The following TMEM117 variants were observed in gnomAD, a reference collection of about 807,000 sequenced individuals.
TMEM117 encodes transmembrane protein 117.
Under a neutral mutation model 52.4 loss-of-function variants are expected in TMEM117, and 27 were observed. The ratio of observed to expected loss-of-function variants is 0.51; its 90% confidence interval spans 0.38 to 0.71. TMEM117 has a LOEUF of 0.71. TMEM117 is among the 30% of genes least tolerant of loss of function. The pLI is 0.00. For synonymous variants in TMEM117, 215 were observed against 206.3 expected, an observed-to-expected ratio of 1.04 and a Z score of -0.36; for missense variants, 556 against 630.5, an observed-to-expected ratio of 0.88 and a Z score of 1.26.
At chr12:44,036,755 A>G (rs980261150) in intron 3 of TMEM117, among the ~76,000 whole-genome samples, 4 of 152,194 alleles carry the variant, frequency 2.6e-5, no homozygotes, top group Non-Finnish European at 4.4e-5. Context: ...TTCTAAGGTT[A>G]TATGTTATGT....
the TMEM117 span, among the ~76,000 whole-genome samples, chr12:43,814,044 C>T: frequency 2.6e-5 from 4 of 152,076 alleles, no homozygotes; most frequent in East Asian, 3.8e-4. Context: ...GATGGACTAA[C>T]GTGTTGAAAA....
intron 2 of TMEM117, among the ~76,000 whole-genome samples, chr12:43,900,193 A>G (rs960226885): frequency 2.3e-4 from 35 of 152,084 alleles, no homozygotes; most frequent in African/African-American, 8.0e-4. Context: ...GTCCTTGCAT[A>G]TAGGGTTTTT....
intron 6 of TMEM117, among the ~76,000 whole-genome samples, chr12:44,361,764 A>C (rs1400748744): frequency 6.6e-6 from 1 of 152,132 alleles, no homozygotes; most frequent in East Asian, 1.9e-4. Flanking sequence ...GGTACTAGGA[A>C]AATAGTCAAG....
rs980171153 is a variant in TMEM117, at chr12:44,024,240, A to G, written c.410+79898A>G. On this transcript the variant is annotated intron_variant, in intron 3 of 7. Transcript: ENST00000266534. The stretch of plus-strand genomic sequence containing the variant: ...AGAAAATGTAGCTAAAATGAAGACA[A>G]GTCAGTTGATATATCTACTTAGATT... Among the ~76,000 whole-genome samples the G allele has an allele frequency of 3.9e-5, 6 of 152,342 alleles. No homozygotes were observed. In the South Asian group the frequency reaches 8.3e-4, roughly 21 times the overall value.
At position 44,028,566 on chromosome 12, in the gene TMEM117, G is replaced by A. The variant is rs186894842; in HGVS notation, c.410+84224G>A. On this transcript the variant is annotated intron_variant, in intron 3 of 7. Transcript: ENST00000266534. ...GATGGCCACTAGAGTGGCCTCGGTC[G>A]TCCTCACTGCTACACTCTCACCAGT... Among the ~76,000 whole-genome samples the A allele has an allele frequency of 2.7e-3, 416 of 152,252 alleles. 4 individuals carry two copies. The highest frequency in any genetic ancestry group is 9.4e-3 in the African/African-American group (390 of 41,548).
intron 4 of TMEM117, among the ~76,000 whole-genome samples, chr12:44,145,994 A>G (rs775180617): frequency 3.3e-5 from 5 of 152,198 alleles, no homozygotes; most frequent in Admixed American, 6.5e-5. Context: ...TGTACCATAT[A>G]CAGCTCTGCC....
intron 2 of TMEM117, among the ~76,000 whole-genome samples, chr12:43,930,068 G>C (rs1212881287): frequency 6.6e-6 from 1 of 152,030 alleles, no homozygotes; most frequent in African/African-American, 2.4e-5. Context: ...CTGGGTTCAG[G>C]CTTTCTTTGG....
Position 44,178,493 on chromosome 12 carries a change from A to G in TMEM117, c.511-32797A>G, listed in dbSNP as rs78788289. Among the ~76,000 whole-genome samples, 54 of 152,330 alleles carry G rather than the reference A, an allele frequency of 3.5e-4. No homozygotes were observed. In the East Asian group the frequency reaches 0.01, roughly 28 times the overall value. ...GCAGGTTTGATATGCAGAACTGTAT[A>G]TCTTCATCCAGTTCATTGATTGATA... On this transcript the variant is annotated intron_variant, in intron 4 of 7. Coordinates refer to ENST00000266534, the MANE Select transcript of TMEM117 (RefSeq NM_032256.3).
At chr12:43,889,844 C>A (rs1235298777) in intron 2 of TMEM117, among the ~76,000 whole-genome samples, 2 of 152,030 alleles carry the variant, frequency 1.3e-5, no homozygotes, top group African/African-American at 4.8e-5. Context: ...GAAGGAGGTG[C>A]AGGAAGTTCA....
At chr12:44,000,317 T>G (rs1296491707) in intron 3 of TMEM117, among the ~76,000 whole-genome samples, 1 of 152,146 alleles carries the variant, frequency 6.6e-6, no homozygotes, top group Non-Finnish European at 1.5e-5. Context: ...GATTTGAAAA[T>G]AGATTCCTTT....
chr12:44,309,909 T>C (rs769466240), intron 6 of TMEM117, among the ~76,000 whole-genome samples: 4 of 152,070 alleles, frequency 2.6e-5, no homozygotes, highest in Non-Finnish European at 5.9e-5. Flanking sequence ...TTGCAGGTGA[T>C]AGGAAGTTTA....
intron 3 of TMEM117, among the ~76,000 whole-genome samples, chr12:43,945,841 A>G (rs933959830): frequency 6.6e-6 from 1 of 152,174 alleles, no homozygotes; most frequent in African/African-American, 2.4e-5. Context: ...CATGGGAAAC[A>G]TGGAACTGTT....
At chr12:44,169,440 A>C (rs1364995327) in intron 4 of TMEM117, among the ~76,000 whole-genome samples, 1 of 152,136 alleles carries the variant, frequency 6.6e-6, no homozygotes, top group African/African-American at 2.4e-5. Context: ...ATTTCTCTAA[A>C]GATTAGTGAT....
At chr12:43,804,709 T>C in the TMEM117 span, 2 of 547,182 alleles carry the variant, frequency 3.7e-6, no homozygotes. Flanking sequence ...TTATAAAACT[T>C]TACCGCATAA....
rs772754829 is a variant in TMEM117 at position 43,891,367 on chromosome 12, A to ATTTTTTTTTTTTTTTTTTTTTTTTTT, written c.277+46462_277+46463insTTTTTTTTTTTTTTTTTTTTTTTTTT. 1.0e-4 allele frequency among the ~76,000 whole-genome samples: 6 copies of ATTTTTTTTTTTTTTTTTTTTTTTTTT among 57,804 alleles called. 3 individuals are homozygous for ATTTTTTTTTTTTTTTTTTTTTTTTTT. Among genetic ancestry groups the ATTTTTTTTTTTTTTTTTTTTTTTTTT allele is most frequent in the Non-Finnish European group, 1.3e-4 (4 of 31,914 alleles). 37.9% of individuals were successfully genotyped at this position (57,804 alleles called of 152,430 possible). On this transcript the variant is annotated intron_variant, in intron 2 of 7. Transcript: ENST00000266534. Reference sequence around the variant, plus strand: ...ATTTCTTTTGGGAAATACCTCTTGAATTTTTTTTTTTTTTTTTTTTTTTGA... The same window carrying ATTTTTTTTTTTTTTTTTTTTTTTTTT: ...ATTTCTTTTGGGAAATACCTCTTGAATTTTTTTTTTTTTTTTTTTTTTTTTTTTTTTTTTTTTTTTTTTTTTTTTGA...
intron 3 of TMEM117, among the ~76,000 whole-genome samples, chr12:44,057,493 AG>A (rs1947074369): frequency 6.6e-6 from 1 of 152,140 alleles, no homozygotes; most frequent in Non-Finnish European, 1.5e-5. Flanking sequence ...AGGGAGTGAA[AG>A]GTTTGTCTCT....
At chr12:44,365,229 C>T (rs1951774326) in intron 6 of TMEM117, among the ~76,000 whole-genome samples, 1 of 151,992 alleles carries the variant, frequency 6.6e-6, no homozygotes, top group South Asian at 2.1e-4. Context: ...GGACCACTTC[C>T]ATTCCTTCAC....
At chr12:43,917,230 CAA>C (rs10602069) in intron 2 of TMEM117, among the ~76,000 whole-genome samples, 1 of 102,184 alleles carries the variant, frequency 9.8e-6, no homozygotes, top group African/African-American at 3.1e-5. Flanking sequence ...CTCATCTCTA[CAA>C]AAAAAAAAAA....
At chr12:43,945,431 C>T (rs146427438) in intron 3 of TMEM117, among the ~76,000 whole-genome samples, 1,768 of 152,114 alleles carry the variant, frequency 0.012, 41 homozygotes, top group East Asian at 0.071. Flanking sequence ...AGCAATTCTC[C>T]TTCCTCAGCC....
Sources: gnomAD v4.1 joint callset for allele counts (sites outside exome capture counted in the v4.1 genomes callset) on GRCh38, gnomAD v4.1.1 for gene constraint, MANE v1.5 for transcripts, NCBI Gene and HGNC (gene_info 2026-07-23, HGNC 2026-07-21) for gene names.